The following DAB1 variants were observed in gnomAD, a reference collection of about 807,000 sequenced individuals.
DAB1 encodes DAB adaptor protein 1, also known as disabled homolog 1.
A neutral mutation model predicts 64.6 loss-of-function variants in DAB1; 15 were observed. The ratio of observed to expected loss-of-function variants is 0.23; its 90% CI spans 0.16 to 0.36. The LOEUF is 0.36. Ranked by LOEUF, DAB1 falls within the 10% of genes least tolerant of loss-of-function variation. The pLI, the probability that DAB1 is intolerant of heterozygous loss-of-function variation, is 1.00. For missense variants in DAB1, 596 were observed against 706.7 expected (o/e 0.84, Z 1.78); for synonymous variants, 235 against 251.9 (o/e 0.93, Z 0.64).
chr1:57,127,942 G>A (rs1161665249), intron 4 of DAB1, among the ~76,000 whole-genome samples: 2 of 152,200 alleles, frequency 1.3e-5, no homozygotes, highest in African/African-American at 2.4e-5. Context: ...GAGGTCAGGA[G>A]TTCGAGACCA....
intron 9 of DAB1, among the ~76,000 whole-genome samples, chr1:57,053,162 A>G (rs1206962675): frequency 1.3e-5 from 2 of 152,218 alleles, no homozygotes; most frequent in East Asian, 3.8e-4. Context: ...AGTGATCAAC[A>G]AAGATCATAC....
Position 57,999,822 on chromosome 1 carries a change from GGA to G in DAB1, n.388-115662_388-115661del, listed in dbSNP as rs1310152563. On this transcript the variant is annotated intron_variant and non_coding_transcript_variant, in intron 5 of 20. Coordinates refer to the DAB1 transcript ENST00000485760. ...AGGGAGGGATGAGGGAGGAAGAGAG[GGA>G]GAGAGAGAAACAGAGAAAGACAAAA... Among the ~76,000 whole-genome samples, 12 of 151,356 alleles carry G rather than the reference GGA, an allele frequency of 7.9e-5. No individual in the cohort carries two copies. In the East Asian group the frequency reaches 2.1e-3, roughly 27 times the overall value.
At chr1:57,053,156 A>G (rs187581088) in intron 9 of DAB1, among the ~76,000 whole-genome samples, 25 of 152,314 alleles carry the variant, frequency 1.6e-4, no homozygotes, top group Admixed American at 1.5e-3. Flanking sequence ...AGTTGAAGTG[A>G]TCAACAAAGA....
intron 3 of DAB1, among the ~76,000 whole-genome samples, chr1:57,141,471 G>A (rs1226963163): frequency 6.6e-6 from 1 of 152,144 alleles, no homozygotes. Flanking sequence ...CTCTCCCTGT[G>A]TTTCAGTAAA....
chr1:57,702,590 A>C (rs1646919512), intron 6 of DAB1, among the ~76,000 whole-genome samples: 2 of 152,138 alleles, frequency 1.3e-5, no homozygotes, highest in South Asian at 4.1e-4. Context: ...CCGTTATGCT[A>C]CTTATTTTTC....
Position 58,363,555 on chromosome 1 carries a change from G to A in DAB1, n.258-20152C>T, listed in dbSNP as rs188903169. Reference sequence around the variant, plus strand: ...TTGATCAGTGCGAGTTAGTGTACAGGTTAGGGGACTTTGCAAGCTTTGCCT... The same window carrying A: ...TTGATCAGTGCGAGTTAGTGTACAGATTAGGGGACTTTGCAAGCTTTGCCT... On this transcript the variant is annotated intron_variant and non_coding_transcript_variant, in intron 3 of 20. Transcript: ENST00000485760. 2.4e-3 allele frequency among the ~76,000 whole-genome samples: 373 copies of A among 152,344 alleles called. 2 individuals carry two copies. Among genetic ancestry groups the A allele is most frequent in the African/African-American group, 8.6e-3 (358 of 41,576 alleles).
chr1:57,119,743 T>C (rs772777577), intron 4 of DAB1, among the ~76,000 whole-genome samples: 1 of 152,010 alleles, frequency 6.6e-6, no homozygotes, highest in African/African-American at 2.4e-5. Flanking sequence ...GTCTATTAAA[T>C]CATCTTGTCC....
intron 2 of DAB1, among the ~76,000 whole-genome samples, chr1:57,165,087 G>T (rs1190623403): frequency 6.6e-6 from 1 of 152,134 alleles, no homozygotes; most frequent in Non-Finnish European, 1.5e-5. Flanking sequence ...GAAAGTTTCG[G>T]TTGGATGATC....
intron 7 of DAB1, among the ~76,000 whole-genome samples, chr1:57,479,210 G>A (rs901732054): frequency 6.6e-6 from 1 of 152,150 alleles, no homozygotes; most frequent in East Asian, 1.9e-4. Flanking sequence ...CATCTGTAAG[G>A]AATAGGGAGA....
At chr1:57,741,759 T>C (rs1458759342) in intron 6 of DAB1, among the ~76,000 whole-genome samples, 1 of 152,164 alleles carries the variant, frequency 6.6e-6, no homozygotes. Flanking sequence ...AGAAATACTG[T>C]AGTGATGTTT....
chr1:58,442,432 T>C (rs1490276558), intron 3 of DAB1, among the ~76,000 whole-genome samples: 2 of 142,010 alleles, frequency 1.4e-5, no homozygotes, highest in African/African-American at 5.0e-5. Flanking sequence ...ACATCAACTC[T>C]GCAAACACAC....
At chr1:57,269,443 T>G (rs1173951993) in intron 2 of DAB1, among the ~76,000 whole-genome samples, 1 of 152,104 alleles carries the variant, frequency 6.6e-6, no homozygotes, top group South Asian at 2.1e-4. Flanking sequence ...ATTCATACTC[T>G]GTGGCTCTCT....
chr1:57,778,955 T>G (rs1649943200), intron 6 of DAB1, among the ~76,000 whole-genome samples: 1 of 151,734 alleles, frequency 6.6e-6, no homozygotes, highest in Non-Finnish European at 1.5e-5. Flanking sequence ...CCTTCCTCTT[T>G]CCCTCCTTCA....
chr1:57,858,534 A>T (rs1653861184), intron 1 of DAB1, among the ~76,000 whole-genome samples: 1 of 151,928 alleles, frequency 6.6e-6, no homozygotes, highest in Non-Finnish European at 1.5e-5. Flanking sequence ...TTAACAGAAA[A>T]AAAAAGCCAT....
intron 2 of DAB1, among the ~76,000 whole-genome samples, chr1:57,201,552 A>G (rs1665098349): frequency 6.6e-6 from 1 of 151,686 alleles, no homozygotes; most frequent in Admixed American, 6.6e-5. Context: ...TGAGGGCCCT[A>G]TTTACGATTT....
chr1:57,976,775 G>C (rs1293430659), intron 5 of DAB1, among the ~76,000 whole-genome samples: 2 of 152,194 alleles, frequency 1.3e-5, no homozygotes, highest in African/African-American at 4.8e-5. Flanking sequence ...TAAGTAATCT[G>C]TGAAGATGTA....
At chr1:58,407,961 T>C (rs1235499957) in intron 3 of DAB1, among the ~76,000 whole-genome samples, 1 of 152,202 alleles carries the variant, frequency 6.6e-6, no homozygotes, top group Non-Finnish European at 1.5e-5. Flanking sequence ...TCTCGGTTCC[T>C]ACTACTTGCC....
chr1:57,621,219 A>C (rs935105945), intron 7 of DAB1, among the ~76,000 whole-genome samples: 4 of 149,322 alleles, frequency 2.7e-5, no homozygotes, highest in African/African-American at 9.9e-5. Flanking sequence ...GTGTGAGAGA[A>C]TTCATGAGCT....
intron 4 of DAB1, among the ~76,000 whole-genome samples, chr1:58,328,874 TC>T (rs1662906828): frequency 6.6e-6 from 1 of 152,158 alleles, no homozygotes; most frequent in Admixed American, 6.5e-5. Flanking sequence ...AATCCTGCCT[TC>T]TTTTTAACCA....
Sources: allele counts gnomAD v4.1 joint callset (sites outside exome capture counted in the v4.1 genomes callset), GRCh38; gene constraint gnomAD v4.1.1; transcripts MANE v1.5; gene names NCBI Gene and HGNC (gene_info 2026-07-23, HGNC 2026-07-21).